The following AOAH variants were observed in gnomAD, a reference collection of about 807,000 sequenced individuals.
AOAH encodes the protein acyloxyacyl hydrolase, also known as acyloxyacyl hydrolase (neutrophil).
In AOAH, 64 loss-of-function variants were observed where a neutral mutation model predicts 92.2. That is an observed-to-expected ratio of 0.69 (90% CI 0.57 to 0.86). The LOEUF (loss-of-function observed/expected upper bound fraction) is 0.86, where lower values mean the gene tolerates loss of function less well. Among genes scored for constraint, AOAH ranks in the 40% least tolerant of loss-of-function variants. The pLI is 0.00. For synonymous variants in AOAH, 263 were observed against 254.5 expected (o/e 1.03, Z -0.32); for missense variants, 656 against 694.6 (o/e 0.94, Z 0.62).
At chr7:36,707,620 T>C (rs977779827) in intron 1 of AOAH, among the ~76,000 whole-genome samples, 2 of 152,192 alleles carry the variant, frequency 1.3e-5, no homozygotes, top group African/African-American at 4.8e-5. Context: ...GTCATTTTAC[T>C]ACCTTCTGGC....
rs192840433 is a variant in AOAH, at chr7:36,555,855, G to A, written c.1022-6380C>T. On this transcript the variant is annotated intron_variant, in intron 13 of 20. Coordinates refer to ENST00000617537, the MANE Select transcript of AOAH (RefSeq NM_001637.4). ...TATCCCCTTTATCGTTTTTTATTGC[G>A]TCTATTTGATTCTTCTCTCTTTTTT... Among the ~76,000 whole-genome samples, 433 of 152,094 alleles carry A rather than the reference G, an allele frequency of 2.8e-3. 3 individuals carry two copies. The highest frequency in any genetic ancestry group is 0.014 in the Middle Eastern group (4 of 294).
chr7:36,573,767 G>A (rs1335897123), intron 13 of AOAH, among the ~76,000 whole-genome samples: 4 of 152,166 alleles, frequency 2.6e-5, no homozygotes, highest in African/African-American at 9.7e-5. Context: ...TCATGACAGA[G>A]TTATGTATAG....
At chr7:36,555,948 T>C (rs1436985249) in intron 13 of AOAH, among the ~76,000 whole-genome samples, 2 of 152,340 alleles carry the variant, frequency 1.3e-5, no homozygotes, top group Non-Finnish European at 2.9e-5. Flanking sequence ...CTGGATTCAT[T>C]GATTTTTTGA....
At chr7:36,563,388 G>A (rs1440646199) in intron 13 of AOAH, among the ~76,000 whole-genome samples, 1 of 152,036 alleles carries the variant, frequency 6.6e-6, no homozygotes, top group Non-Finnish European at 1.5e-5. Context: ...TCTGGGTTTT[G>A]GGCTGCCTTG....
intron 2 of AOAH, among the ~76,000 whole-genome samples, chr7:36,679,055 G>A (rs1003534224): frequency 4.6e-5 from 7 of 152,114 alleles, no homozygotes; most frequent in Admixed American, 2.0e-4. Flanking sequence ...TATTCCAAAG[G>A]ACAAAATAAA....
In AOAH at chr7:36,616,461, C is replaced by T. The variant is rs1196396231; in HGVS notation, c.765G>A (p.Arg255=). The T allele has an allele frequency of 6.2e-7, 1 of 1,613,898 alleles. No individual in the cohort carries two copies. The highest frequency in any genetic ancestry group is 1.3e-5 in the African/African-American group (1 of 74,914). The change falls in exon 11 of 21, where the codon AGG becomes AGA. Residue 255 remains arginine, a synonymous_variant. Coordinates refer to ENST00000617537, the MANE Select transcript of AOAH (RefSeq NM_001637.4). ...EKKFCEGSQP[R]GIILLGDSAG... ...CTGAGTCTCCCAGCAAAATGATTCC[C>T]CTGGGCTGTGAACCTAGGCAGCACA...
chr7:36,573,096 A>G lies in AOAH; in HGVS notation c.1021+3478T>C, dbSNP rs1788245487. ...AATTCCAGGACCCAAATTCAAAACC[A>G]GTCTACTTTATACCCCAAGGAAAAG... On this transcript the variant is annotated intron_variant, in intron 13 of 20. Coordinates refer to ENST00000617537, the MANE Select transcript of AOAH (RefSeq NM_001637.4). Among the ~76,000 whole-genome samples the G allele has an allele frequency of 3.3e-5, 5 of 152,360 alleles. No homozygotes were observed. The South Asian group carries it at 1.0e-3, about 32-fold the overall frequency.
At chr7:36,703,752 C>A (rs373080724) in intron 1 of AOAH, among the ~76,000 whole-genome samples, 2 of 152,110 alleles carry the variant, frequency 1.3e-5, no homozygotes, top group East Asian at 3.9e-4. Flanking sequence ...CTATTGTGAA[C>A]AGTGCTGCAA....
intron 3 of AOAH, among the ~76,000 whole-genome samples, chr7:36,669,610 T>C (rs1430559812): frequency 6.6e-6 from 1 of 152,154 alleles, no homozygotes; most frequent in Non-Finnish European, 1.5e-5. Flanking sequence ...CTCAAACTCC[T>C]GACCTCAAGT....
chr7:36,520,503 C>T (rs1784053964), intron 20 of AOAH, among the ~76,000 whole-genome samples: 3 of 152,092 alleles, frequency 2.0e-5, no homozygotes, highest in South Asian at 2.1e-4. Flanking sequence ...GGTGAGAGTT[C>T]GAGACCAGCC....
rs143333517 is a variant in AOAH at position 36,676,931 on chromosome 7, A to C, written c.224-2922T>G. Among the ~76,000 whole-genome samples, 215 of 152,312 alleles carry C rather than the reference A, an allele frequency of 1.4e-3. 5 individuals carry two copies. In the East Asian group the frequency reaches 0.03, roughly 22 times the overall value. The stretch of plus-strand genomic sequence containing the variant: ...TCACACTATATACAAAAATTAACCC[A>C]AAACGGGTCAAAGACCTAAATGTAA... On this transcript the variant is annotated intron_variant, in intron 2 of 20. Coordinates refer to ENST00000617537, the MANE Select transcript of AOAH (RefSeq NM_001637.4).
At chr7:36,723,323 C>T (rs1188660778) in intron 1 of AOAH, among the ~76,000 whole-genome samples, 1 of 152,086 alleles carries the variant, frequency 6.6e-6, no homozygotes, top group Non-Finnish European at 1.5e-5. Flanking sequence ...TACCTTACTT[C>T]CTGCTCTCAT....
intron 4 of AOAH, among the ~76,000 whole-genome samples, chr7:36,649,123 G>A (rs1432346665): frequency 1.3e-5 from 2 of 152,144 alleles, no homozygotes; most frequent in African/African-American, 4.8e-5. Context: ...GTATACAATA[G>A]AAGCTTAGTA....
chr7:36,549,459 G>A lies in AOAH; in HGVS notation c.1038C>T (p.Asn346=), dbSNP rs759991483. The change falls in exon 14 of 21, where the codon AAC becomes AAT. Residue 346 remains asparagine, a synonymous_variant. Transcript: ENST00000617537. ...CTTACCTTTCTATAAATTTCTTCAG[G>A]TTTCGGGAAGATGCACCTGAATAAT... ...NISRNGASSR[N]LKKFIESLSR... 5.0e-5 allele frequency: 80 copies of A among 1,594,918 alleles called. 1 individual carries two copies. In the Admixed American group the frequency reaches 1.3e-3, roughly 27 times the overall value.
intron 3 of AOAH, among the ~76,000 whole-genome samples, chr7:36,668,556 A>G (rs1402099946): frequency 6.6e-6 from 1 of 152,172 alleles, no homozygotes; most frequent in African/African-American, 2.4e-5. Context: ...GCGCTATCTC[A>G]GCTCACTGCA....
At chr7:36,677,994 T>C (rs1796361238) in intron 2 of AOAH, among the ~76,000 whole-genome samples, 1 of 152,134 alleles carries the variant, frequency 6.6e-6, no homozygotes, top group African/African-American at 2.4e-5. Flanking sequence ...AGTTTCTTTC[T>C]GGTGTAATGA....
At chr7:36,627,964 C>A (rs1792792440) in intron 6 of AOAH, among the ~76,000 whole-genome samples, 1 of 152,070 alleles carries the variant, frequency 6.6e-6, no homozygotes. Context: ...CCATGTGTGC[C>A]TGCCTCACAT....
At chr7:36,678,589 G>A (rs943551321) in intron 2 of AOAH, among the ~76,000 whole-genome samples, 1 of 137,042 alleles carries the variant, frequency 7.3e-6, no homozygotes, top group Non-Finnish European at 1.5e-5. Flanking sequence ...GTGTGTGTGT[G>A]TGTGTGTGTG....
intron 2 of AOAH, 116 bp downstream of exon 2, chr7:36,686,583 A>C: frequency 3.7e-6 from 2 of 535,374 alleles, no homozygotes; most frequent in Non-Finnish European, 6.0e-6. Context: ...CAACCCACAG[A>C]AATAGCATAA....
Sources: gnomAD v4.1 joint callset for allele counts (sites outside exome capture counted in the v4.1 genomes callset) on GRCh38, gnomAD v4.1.1 for gene constraint, MANE v1.5 for transcripts, NCBI Gene and HGNC (gene_info 2026-07-23, HGNC 2026-07-21) for gene names.